CLTC: variants seen among roughly 807,000 people sequenced by gnomAD.
CLTC encodes the protein clathrin heavy chain 1.
A neutral mutation model predicts 195.8 loss-of-function variants in CLTC; 16 were observed. The observed-to-expected ratio is 0.08, with a 90% CI of 0.06 to 0.12. CLTC has a LOEUF of 0.12. Among genes scored for constraint, CLTC ranks in the 10% least tolerant of loss-of-function variants. CLTC has a pLI of 1.00. For synonymous variants in CLTC, 667 were observed against 689.4 expected, an observed-to-expected ratio of 0.97 and a Z score of 0.51; for missense variants, 796 against 2,027.0, an observed-to-expected ratio of 0.39 and a Z score of 11.66.
At chr17:59,673,099 GT>G (rs34178326) in intron 14 of CLTC, among the ~76,000 whole-genome samples, 116,116 of 149,958 alleles carry the variant, frequency 0.77, 45,799 homozygotes, top group East Asian at 0.93. Context: ...TAAATGCTGG[GT>G]TTTTTTTTTT....
At chr17:59,640,449 T>C (rs1259366414) in intron 1 of CLTC, among the ~76,000 whole-genome samples, 2 of 151,192 alleles carry the variant, frequency 1.3e-5, no homozygotes, top group Non-Finnish European at 2.9e-5. Flanking sequence ...CAGGCTGGAG[T>C]GCAGTAGGGC....
intron 5 of CLTC, 43 bp from the exon 6 acceptor site, chr17:59,655,811 G>T: frequency 6.9e-7 from 1 of 1,441,728 alleles, no homozygotes; most frequent in Non-Finnish European, 9.2e-7. Context: ...TTTTCTGTTT[G>T]TAGATTCATT....
At chr17:59,661,702 A>G in intron 8 of CLTC, 59 bp downstream of exon 8, 1 of 1,461,476 alleles carries the variant, frequency 6.8e-7, no homozygotes, top group Middle Eastern at 1.9e-4. Context: ...GATATTGGCA[A>G]GTTAAAATCA....
At chr17:59,646,073 A>G (rs1011228495) in intron 2 of CLTC, 1 of 655,390 alleles carries the variant, frequency 1.5e-6, no homozygotes, top group African/African-American at 2.0e-5. Flanking sequence ...TATAAAAAGA[A>G]TAAATTGAAA....
rs1401061044 is a variant in CLTC at position 59,695,009 on chromosome 17, A to G, written c.*1157A>G. Reference sequence around the variant, plus strand: ...TGGCTTAACATTTAATCTGTCTCCAATATTTTAACCAAGTGACACCGAGGT... The same window carrying G: ...TGGCTTAACATTTAATCTGTCTCCAGTATTTTAACCAAGTGACACCGAGGT... On this transcript the variant is annotated 3_prime_UTR_variant, in exon 32 of 32. Coordinates refer to ENST00000269122, the MANE Select transcript of CLTC (RefSeq NM_004859.4). 9.4e-6 allele frequency: 2 copies of G among 213,460 alleles called. No individual in the cohort carries two copies. The highest frequency in any genetic ancestry group is 1.9e-4 in the South Asian group (1 of 5,374). 13.2% of individuals were successfully genotyped at this position (213,460 alleles called of 1,614,324 possible).
At chr17:59,632,851 A>G (rs1296265397) in intron 1 of CLTC, among the ~76,000 whole-genome samples, 1 of 152,134 alleles carries the variant, frequency 6.6e-6, no homozygotes, top group Non-Finnish European at 1.5e-5. Context: ...AGAGCCTAAA[A>G]CCTGTTTTTT....
intron 14 of CLTC, among the ~76,000 whole-genome samples, chr17:59,669,316 CTA>C (rs896679823): frequency 6.6e-6 from 1 of 152,112 alleles, no homozygotes; most frequent in African/African-American, 2.4e-5. Context: ...TGAGGAGCCT[CTA>C]TTGTAGGCAA....
intron 1 of CLTC, among the ~76,000 whole-genome samples, chr17:59,629,936 C>T (rs899371584): frequency 6.6e-6 from 1 of 152,158 alleles, no homozygotes; most frequent in African/African-American, 2.4e-5. Flanking sequence ...TTTTGAAAAG[C>T]ATTGTGAAAT....
intron 1 of CLTC, among the ~76,000 whole-genome samples, chr17:59,643,043 G>C (rs1452580096): frequency 6.6e-6 from 1 of 151,968 alleles, no homozygotes; most frequent in African/African-American, 2.4e-5. Flanking sequence ...AGTGACAGTG[G>C]TGGTGTTTGT....
intron 31 of CLTC, chr17:59,690,922 AATAGTC>A (rs2143614312): frequency 2.4e-6 from 1 of 423,104 alleles, no homozygotes; most frequent in Admixed American, 4.3e-5. Context: ...AAAACTCAAA[AATAGTC>A]ATTTAAAATC....
intron 6 of CLTC, among the ~76,000 whole-genome samples, chr17:59,656,470 A>AT (rs1473125938): frequency 2.0e-5 from 3 of 152,162 alleles, no homozygotes; most frequent in African/African-American, 7.2e-5. Flanking sequence ...TTCTACCTAC[A>AT]TCCCTTTTCC....
intron 4 of CLTC, among the ~76,000 whole-genome samples, chr17:59,649,836 A>G (rs2032286675): frequency 6.6e-6 from 1 of 152,058 alleles, no homozygotes; most frequent in Non-Finnish European, 1.5e-5. Context: ...TGAAATTTAA[A>G]CAGAAAAAAA....
chr17:59,659,782 A>T (rs2143539294), intron 6 of CLTC, among the ~76,000 whole-genome samples: 1 of 151,894 alleles, frequency 6.6e-6, no homozygotes, highest in African/African-American at 2.4e-5. Flanking sequence ...TCCTTGTATT[A>T]TGTTAGCTGC....
In CLTC at chr17:59,619,963, C is replaced by CCCCCGA; in HGVS notation, c.-165_-160dup. 3.2e-6 allele frequency: 2 copies of CCCCCGA among 615,966 alleles called. No individual in the cohort carries two copies. The highest frequency in any genetic ancestry group is 5.8e-6 in the Non-Finnish European group (2 of 347,760). The allele number at this position is 615,966 out of a possible 1,614,324, so 38.2% of individuals were successfully genotyped here. ...GCTCTCCTGGCCCCTGGAGCCTCCG[C>CCCCCGA]CCCCGACCCGAGCTCTTTCGTCTGC... On this transcript the variant is annotated 5_prime_UTR_variant, in exon 1 of 32. Transcript: ENST00000269122.
chr17:59,649,011 A>G (rs1247653011), intron 4 of CLTC, among the ~76,000 whole-genome samples: 1 of 152,250 alleles, frequency 6.6e-6, no homozygotes, highest in African/African-American at 2.4e-5. Context: ...AATGTAGACT[A>G]CAGGTGAATA....
Position 59,676,934 on chromosome 17 carries a change from T to C in CLTC, c.2562-20T>C, listed in dbSNP as rs373974068. 8.5e-5 allele frequency: 134 copies of C among 1,579,058 alleles called. No homozygotes were observed. Among genetic ancestry groups the C allele is most frequent in the Non-Finnish European group, 1.1e-4 (128 of 1,149,066 alleles). On this transcript the variant is annotated intron_variant, in intron 16 of 31. Coordinates refer to ENST00000269122, the MANE Select transcript of CLTC (RefSeq NM_004859.4). ...TATAATACAGTATGTGTGTGTGAGG[T>C]TTTTTTCCTTTTTTCCTAGATTGAA... is the stretch of plus-strand genomic sequence containing the variant.
rs566450701 is a variant in CLTC, at chr17:59,644,374, G to T, written c.141G>T (p.Gln47His). ...GCATTAGAGAAAAAGTAGGAGAGCA[G>T]GCCCAGGTGGTAATCATTGATATGA... Reference protein sequence around the residue: ...FICIREKVGEQAQVVIIDMND... With the variant: ...FICIREKVGEHAQVVIIDMND... Residue 47 changes from glutamine to histidine, a missense_variant, in exon 2 of 32, where the codon CAG becomes CAT. Physicochemically the swap from Gln to His is conservative, Grantham distance 24. Transcript: ENST00000269122. The T allele has an allele frequency of 6.2e-7, 1 of 1,614,076 alleles. No individual in the cohort carries two copies. The highest frequency in any genetic ancestry group is 1.7e-5 in the Admixed American group (1 of 60,010).
chr17:59,672,843 T>C (rs537988316), intron 14 of CLTC, among the ~76,000 whole-genome samples: 18 of 152,232 alleles, frequency 1.2e-4, no homozygotes, highest in African/African-American at 4.3e-4. Flanking sequence ...TAGTAGACTG[T>C]GTTAGAGGAA....
Position 59,682,901 on chromosome 17 carries a change from T to C in CLTC, c.3766-6T>C. 1 of 1,613,842 alleles carries C rather than the reference T, an allele frequency of 6.2e-7. No individual in the cohort carries two copies. Among genetic ancestry groups the C allele is most frequent in the Non-Finnish European group, 8.5e-7 (1 of 1,179,792 alleles). ...TGAGTTCACAGAAAGGAAATGTTTA[T>C]TCTAGGTCTGCTTCGCCTGTGTAGA... On this transcript the variant is annotated splice_region_variant and splice_polypyrimidine_tract_variant and intron_variant, in intron 23 of 31. Coordinates refer to ENST00000269122, the MANE Select transcript of CLTC (RefSeq NM_004859.4). The surrounding 1 kb of genome is among the most constrained non-coding windows in gnomAD (Gnocchi z 6.8).
Sources: gnomAD v4.1 joint callset for allele counts (sites outside exome capture counted in the v4.1 genomes callset) on GRCh38, gnomAD v4.1.1 for gene constraint, Gnocchi (gnomAD v3.1) non-coding constraint, MANE v1.5 for transcripts, NCBI Gene and HGNC (gene_info 2026-07-23, HGNC 2026-07-21) for gene names.